The following ATP5MJ variants were observed in gnomAD, a reference collection of about 807,000 sequenced individuals.
ATP5MJ encodes the protein ATP synthase membrane subunit j.
A neutral mutation model predicts 8.3 loss-of-function variants in ATP5MJ; 4 were observed. The ratio of observed to expected loss-of-function variants is 0.48; its 90% CI spans 0.24 to 1.11. ATP5MJ has a LOEUF of 1.11. Ranked by LOEUF, ATP5MJ falls within the 50% of genes least tolerant of loss-of-function variation. ATP5MJ has a pLI of 0.18. For synonymous variants in ATP5MJ, 23 were observed against 21.3 expected (o/e 1.08, Z -0.23); for missense variants, 66 against 71.8 (o/e 0.92, Z 0.29).
At chr14:103,916,320 C>CTTAGG (rs2087625610) in intron 1 of ATP5MJ, among the ~76,000 whole-genome samples, 1 of 152,130 alleles carries the variant, frequency 6.6e-6, no homozygotes, top group Non-Finnish European at 1.5e-5. Flanking sequence ...TACTATAGAC[C>CTTAGG]GCAAATTAGA....
At chr14:103,912,829 A>G in intron 3 of ATP5MJ, 135 bp from the exon 4 acceptor site, 9 of 840,676 alleles carry the variant, frequency 1.1e-5, no homozygotes, top group Non-Finnish European at 1.5e-5. Flanking sequence ...ACTATTGAAA[A>G]GTAGGATTAT....
chr14:103,914,895 A>G, intron 2 of ATP5MJ, 171 bp downstream of exon 2: 2 of 738,632 alleles, frequency 2.7e-6, no homozygotes, highest in Non-Finnish European at 4.2e-6. Context: ...ACTGTCCCCA[A>G]ATGTCTTTTA....
intron 1 of ATP5MJ, chr14:103,921,149 T>C (rs1325555361): frequency 2.2e-6 from 2 of 929,552 alleles, no homozygotes; most frequent in Non-Finnish European, 3.3e-6. Flanking sequence ...CTCTGGCTTC[T>C]CTAACTCTGC....
Position 103,912,504 on chromosome 14 carries a change from A to G in ATP5MJ, c.*162T>C, listed in dbSNP as rs956459674. 2 of 741,096 alleles carry G rather than the reference A, an allele frequency of 2.7e-6. No homozygotes were observed. Among genetic ancestry groups the G allele is most frequent in the Non-Finnish European group, 2.3e-6 (1 of 432,298 alleles). The allele number at this position is 741,096 out of a possible 1,614,324, so 45.9% of individuals were successfully genotyped here. A position where few individuals can be genotyped will look rare whatever the true frequency, so the allele number is the denominator to read the frequency against. On this transcript the variant is annotated 3_prime_UTR_variant, in exon 4 of 4. Coordinates refer to ENST00000286953, the MANE Select transcript of ATP5MJ (RefSeq NM_004894.3). The stretch of plus-strand genomic sequence containing the variant: ...TGAGGGGGAACACACTGAAAGCAGT[A>G]CCAGGTAGCAGTGCATCTCACAGAT...
intron 1 of ATP5MJ, among the ~76,000 whole-genome samples, chr14:103,916,252 T>G (rs2087624821): frequency 6.6e-6 from 1 of 152,258 alleles, no homozygotes; most frequent in Non-Finnish European, 1.5e-5. Flanking sequence ...AACTTACAGT[T>G]TGCTTGTATG....
At chr14:103,917,802 T>C (rs1471089317) in intron 1 of ATP5MJ, among the ~76,000 whole-genome samples, 1 of 152,170 alleles carries the variant, frequency 6.6e-6, no homozygotes, top group Non-Finnish European at 1.5e-5. Context: ...TGCTTCCCAC[T>C]CCTATAAAGT....
At chr14:103,917,648 C>T (rs1002734830) in intron 1 of ATP5MJ, among the ~76,000 whole-genome samples, 6 of 152,178 alleles carry the variant, frequency 3.9e-5, no homozygotes, top group African/African-American at 1.4e-4. Context: ...GGCACCGAAC[C>T]AGGAACTAAG....
At chr14:103,914,996 G>A in intron 2 of ATP5MJ, 70 bp downstream of exon 2, 1 of 1,595,628 alleles carries the variant, frequency 6.3e-7, no homozygotes, top group South Asian at 1.1e-5. Flanking sequence ...CCTTTACAAT[G>A]TGAATTGTGA....
intron 1 of ATP5MJ, among the ~76,000 whole-genome samples, chr14:103,915,553 GC>G (rs2087618760): frequency 6.6e-6 from 1 of 152,088 alleles, no homozygotes; most frequent in Non-Finnish European, 1.5e-5. Context: ...TGCCATGTTG[GC>G]CAGGCTGGTC....
At chr14:103,921,061 A>AG in intron 1 of ATP5MJ, 1 of 1,549,170 alleles carries the variant, frequency 6.5e-7, no homozygotes, top group South Asian at 1.2e-5. Context: ...CATAACGTGG[A>AG]GGGCAGTGTG....
chr14:103,914,630 A>C (rs140945374), intron 2 of ATP5MJ: 6 of 585,656 alleles, frequency 1.0e-5, no homozygotes, highest in South Asian at 4.4e-5. Context: ...GCAAAACCCC[A>C]TCTCTACAAA....
chr14:103,914,858 G>GAAA (rs1314714313), intron 2 of ATP5MJ: 44 of 329,540 alleles, frequency 1.3e-4, no homozygotes, highest in African/African-American at 9.8e-4. Context: ...AAAAAAAAAA[G>GAAA]AAAAGAAAAG....
In ATP5MJ at chr14:103,921,194, G is replaced by A. The variant is rs114331821; in HGVS notation, c.-1+276C>T. On this transcript the variant is annotated intron_variant, in intron 1 of 3. Transcript: ENST00000286953. ...GGGTTAGGCAGCTGAACCTCTCAAG[G>A]CCAAGGTACGCTCCCTGTCAAAACC... The A allele has an allele frequency of 1.2e-3, 775 of 628,168 alleles. 9 individuals are homozygous for A. In the African/African-American group the frequency reaches 0.013, roughly 11 times the overall value. The allele number at this position is 628,168 out of a possible 1,614,324, so 38.9% of individuals were successfully genotyped here.
intron 2 of ATP5MJ, chr14:103,914,206 T>C: frequency 1.7e-6 from 1 of 578,352 alleles, no homozygotes. Context: ...CCTTCTACAA[T>C]GTCCTAAACT....
At chr14:103,915,331 G>A in intron 1 of ATP5MJ, 142 bp from the exon 2 acceptor site, 1 of 869,034 alleles carries the variant, frequency 1.2e-6, no homozygotes, top group Non-Finnish European at 1.7e-6. Flanking sequence ...GACCCGTTCT[G>A]CACTCACAGG....
rs868375684 is a variant in ATP5MJ, at chr14:103,916,918, C to T, written c.1-1729G>A. Among the ~76,000 whole-genome samples the T allele has an allele frequency of 1.4e-4, 22 of 152,186 alleles. 1 individual carries two copies. The Middle Eastern group carries it at 0.014, about 94-fold the overall frequency. On this transcript the variant is annotated intron_variant, in intron 1 of 3. Coordinates refer to ENST00000286953, the MANE Select transcript of ATP5MJ (RefSeq NM_004894.3). The stretch of plus-strand genomic sequence containing the variant: ...GCGCAGCTGTGTGTGTCAGCTTTAC[C>T]GCACTGAATCCTTCACAAGCCCAAC...
At chr14:103,915,034 A>G in intron 2 of ATP5MJ, 32 bp downstream of exon 2, 3 of 1,612,714 alleles carry the variant, frequency 1.9e-6, no homozygotes, top group Non-Finnish European at 2.5e-6. Flanking sequence ...TTTCTTCCTG[A>G]CCTCAGAAAA....
At chr14:103,914,496 C>G (rs1317898318) in intron 2 of ATP5MJ, 1 of 666,280 alleles carries the variant, frequency 1.5e-6, no homozygotes, top group Non-Finnish European at 2.7e-6. Context: ...ATATTAAAGT[C>G]TTGTTCAAAG....
chr14:103,914,447 G>A (rs1191035246), intron 2 of ATP5MJ: 2 of 590,688 alleles, frequency 3.4e-6, no homozygotes, highest in East Asian at 2.9e-5. Context: ...TAAAACGAAT[G>A]TAATACCACT....
Sources: allele counts gnomAD v4.1 joint callset (sites outside exome capture counted in the v4.1 genomes callset), GRCh38; gene constraint gnomAD v4.1.1; transcripts MANE v1.5; gene names NCBI Gene and HGNC (gene_info 2026-07-23, HGNC 2026-07-21).